CNTN5: variants seen among roughly 807,000 people sequenced by gnomAD.
CNTN5 encodes contactin 5, also known as contactin-5.
Under a neutral mutation model 129.1 loss-of-function variants are expected in CNTN5, and 77 were observed. That is an observed-to-expected ratio of 0.60 (90% CI 0.50 to 0.72). CNTN5 has a LOEUF of 0.72. CNTN5 is among the 30% of genes least tolerant of loss of function. The pLI, the probability that CNTN5 is intolerant of heterozygous loss-of-function variation, is 0.00. For missense variants in CNTN5, 1,478 were observed against 1,328.8 expected (o/e 1.11, Z -1.75); for synonymous variants, 509 against 465.6 (o/e 1.09, Z -1.20).
chr11:99,195,996 T>C (rs1358865412), intron 1 of CNTN5, among the ~76,000 whole-genome samples: 1 of 152,016 alleles, frequency 6.6e-6, no homozygotes, highest in Non-Finnish European at 1.5e-5. Flanking sequence ...GCATTACTAA[T>C]GCTTGTGGTG....
chr11:100,139,096 T>A (rs1453358445), intron 13 of CNTN5, among the ~76,000 whole-genome samples: 1 of 152,084 alleles, frequency 6.6e-6, no homozygotes, highest in East Asian at 1.9e-4. Flanking sequence ...AAAAAGTAGA[T>A]CTGGATGACT....
At chr11:99,164,720 G>A (rs1485221919) in intron 1 of CNTN5, among the ~76,000 whole-genome samples, 1 of 152,114 alleles carries the variant, frequency 6.6e-6, no homozygotes, top group Non-Finnish European at 1.5e-5. Context: ...AATAATACAT[G>A]AAAATTGGAT....
intron 1 of CNTN5, among the ~76,000 whole-genome samples, chr11:99,209,928 A>G (rs901221743): frequency 6.6e-6 from 1 of 152,162 alleles, no homozygotes; most frequent in Non-Finnish European, 1.5e-5. Context: ...ACTAAATCAT[A>G]GTGTGATTTT....
intron 15 of CNTN5, among the ~76,000 whole-genome samples, chr11:100,223,027 C>T (rs1949297666): frequency 6.6e-6 from 1 of 152,044 alleles, no homozygotes; most frequent in Non-Finnish European, 1.5e-5. Context: ...TTTAAAGTTG[C>T]TTTTTCTGAT....
chr11:99,660,155 C>A (rs190269016), intron 3 of CNTN5, among the ~76,000 whole-genome samples: 3 of 152,090 alleles, frequency 2.0e-5, no homozygotes, highest in African/African-American at 4.8e-5. Flanking sequence ...TGAAAAAATA[C>A]AAGAAAATCT....
chr11:100,039,694 G>T (rs1942256298), intron 9 of CNTN5, among the ~76,000 whole-genome samples: 1 of 151,986 alleles, frequency 6.6e-6, no homozygotes, highest in Admixed American at 6.6e-5. Context: ...CTCTAAACTT[G>T]TCTTCTTGCT....
chr11:99,119,467 A>T (rs1858201598), intron 1 of CNTN5, among the ~76,000 whole-genome samples: 1 of 152,092 alleles, frequency 6.6e-6, no homozygotes, highest in Non-Finnish European at 1.5e-5. Flanking sequence ...AAAGGACATG[A>T]TCTCATTCTT....
At chr11:99,305,512 G>A (rs1253461016) in intron 1 of CNTN5, among the ~76,000 whole-genome samples, 1 of 152,146 alleles carries the variant, frequency 6.6e-6, no homozygotes, top group African/African-American at 2.4e-5. Flanking sequence ...TATTAAAAAT[G>A]TCCTACCTTT....
intron 13 of CNTN5, among the ~76,000 whole-genome samples, chr11:100,151,077 C>A (rs1056533998): frequency 2.0e-5 from 3 of 152,074 alleles, no homozygotes; most frequent in Non-Finnish European, 4.4e-5. Flanking sequence ...CCCTTTAGAA[C>A]CATGAGAAAT....
intron 6 of CNTN5, among the ~76,000 whole-genome samples, chr11:99,878,319 G>T (rs1481816889): frequency 6.6e-6 from 1 of 152,078 alleles, no homozygotes. Context: ...TGTCATAAAA[G>T]ATATATAAGT....
intron 1 of CNTN5, among the ~76,000 whole-genome samples, chr11:99,274,211 T>G (rs1483559871): frequency 6.6e-6 from 1 of 151,738 alleles, no homozygotes; most frequent in Non-Finnish European, 1.5e-5. Context: ...GCAGTAAGCT[T>G]ATTATATTTG....
chr11:99,999,179 T>C (rs1372513083), intron 8 of CNTN5, among the ~76,000 whole-genome samples: 1 of 151,824 alleles, frequency 6.6e-6, no homozygotes, highest in Non-Finnish European at 1.5e-5. Context: ...ACTAAAGAGC[T>C]TCTGCACAGC....
intron 18 of CNTN5, among the ~76,000 whole-genome samples, chr11:100,286,073 G>C (rs1221465310): frequency 6.6e-6 from 1 of 152,220 alleles, no homozygotes; most frequent in Non-Finnish European, 1.5e-5. Context: ...CCCAACACGA[G>C]ATTATATCCC....
At chr11:100,058,117 C>G (rs1943309989) in intron 9 of CNTN5, among the ~76,000 whole-genome samples, 1 of 152,072 alleles carries the variant, frequency 6.6e-6, no homozygotes, top group Admixed American at 6.6e-5. Context: ...ATTTATATAA[C>G]TTGCTGCTAA....
intron 1 of CNTN5, among the ~76,000 whole-genome samples, chr11:99,106,838 T>C (rs2135369486): frequency 6.6e-6 from 1 of 152,186 alleles, no homozygotes; most frequent in Admixed American, 6.5e-5. Context: ...TAAAGAGCAC[T>C]CCACAGATGT....
intron 3 of CNTN5, among the ~76,000 whole-genome samples, chr11:99,609,460 G>C (rs1172036309): frequency 6.6e-6 from 1 of 152,108 alleles, no homozygotes; most frequent in Non-Finnish European, 1.5e-5. Flanking sequence ...CTTTTCATAA[G>C]GTTATGGCTG....
At chr11:99,315,395 G>A (rs1468350036) in intron 1 of CNTN5, among the ~76,000 whole-genome samples, 1 of 149,478 alleles carries the variant, frequency 6.7e-6, no homozygotes, top group Non-Finnish European at 1.5e-5. Flanking sequence ...GATGGAATTA[G>A]AGAAAGAGGA....
At chr11:99,899,279 A>G (rs1174140811) in intron 6 of CNTN5, among the ~76,000 whole-genome samples, 1 of 152,030 alleles carries the variant, frequency 6.6e-6, no homozygotes, top group African/African-American at 2.4e-5. Context: ...AGAATTAGTT[A>G]AAGTAGCCAT....
At chr11:99,308,004 T>G (rs1462508699) in intron 1 of CNTN5, among the ~76,000 whole-genome samples, 1 of 152,202 alleles carries the variant, frequency 6.6e-6, no homozygotes, top group Admixed American at 6.5e-5. Flanking sequence ...TAAGGAATAA[T>G]TTATGATTCC....
Sources: allele counts gnomAD v4.1 joint callset (sites outside exome capture counted in the v4.1 genomes callset), GRCh38; gene constraint gnomAD v4.1.1; transcripts MANE v1.5; gene names NCBI Gene and HGNC (gene_info 2026-07-23, HGNC 2026-07-21).